NTM: variants seen among roughly 807,000 people sequenced by gnomAD.
NTM encodes the protein neurotrimin.
In NTM, 13 loss-of-function variants were observed where a neutral mutation model predicts 42.1. The ratio of observed to expected loss-of-function variants is 0.31; its 90% CI spans 0.20 to 0.49. The LOEUF is 0.49. Ranked by LOEUF, NTM falls within the 20% of genes least tolerant of loss-of-function variation. NTM has a pLI of 0.99. For missense variants in NTM, 373 were observed against 452.8 expected, an observed-to-expected ratio of 0.82 and a Z score of 1.60; for synonymous variants, 187 against 179.2, an observed-to-expected ratio of 1.04 and a Z score of -0.35.
chr11:131,878,779 G>T (rs530864878), intron 1 of NTM, among the ~76,000 whole-genome samples: 172 of 151,500 alleles, frequency 1.1e-3, no homozygotes, highest in Admixed American at 2.0e-3. Context: ...ATATAAGCTG[G>T]TCTTTCTCAG....
chr11:131,406,233 A>G (rs1257601929), intron 1 of NTM, among the ~76,000 whole-genome samples: 2 of 152,206 alleles, frequency 1.3e-5, no homozygotes, highest in Non-Finnish European at 2.9e-5. Context: ...AAATTTCTTT[A>G]TTATTACTGG....
intron 2 of NTM, among the ~76,000 whole-genome samples, chr11:131,993,502 T>C (rs562909449): frequency 6.6e-6 from 1 of 152,254 alleles, no homozygotes; most frequent in South Asian, 2.1e-4. Flanking sequence ...GGGCCTCCAA[T>C]TGTGCAAGTC....
chr11:131,521,908 C>T (rs2049789088), intron 1 of NTM, among the ~76,000 whole-genome samples: 2 of 152,088 alleles, frequency 1.3e-5, no homozygotes, highest in Admixed American at 6.5e-5. Context: ...TTGCTGAAGA[C>T]CTTTATGCCT....
intron 2 of NTM, among the ~76,000 whole-genome samples, chr11:131,955,151 T>C (rs1247494898): frequency 6.6e-6 from 1 of 152,162 alleles, no homozygotes; most frequent in Non-Finnish European, 1.5e-5. Flanking sequence ...GAAGGTACCC[T>C]GAGCACCTCC....
intron 2 of NTM, among the ~76,000 whole-genome samples, chr11:132,013,995 C>T (rs2072842560): frequency 6.6e-6 from 1 of 151,672 alleles, no homozygotes; most frequent in Admixed American, 6.6e-5. Flanking sequence ...ATCGTATGTC[C>T]TTATTTTTTA....
intron 1 of NTM, among the ~76,000 whole-genome samples, chr11:131,677,566 A>G (rs994514072): frequency 6.6e-6 from 1 of 152,182 alleles, no homozygotes; most frequent in Non-Finnish European, 1.5e-5. Context: ...CCAGTTGTCA[A>G]GTGGTGATCC....
At chr11:131,856,226 C>A (rs2046083373) in intron 1 of NTM, among the ~76,000 whole-genome samples, 1 of 152,120 alleles carries the variant, frequency 6.6e-6, no homozygotes, top group Non-Finnish European at 1.5e-5. Context: ...CTCACTGCTA[C>A]TGCAGAAACT....
chr11:131,665,462 T>A (rs187648020), intron 1 of NTM, among the ~76,000 whole-genome samples: 1 of 151,948 alleles, frequency 6.6e-6, no homozygotes, highest in East Asian at 1.9e-4. Context: ...CTTAAAGAGG[T>A]GATTAGGGCA....
At chr11:131,482,031 C>A (rs1953653294) in intron 1 of NTM, among the ~76,000 whole-genome samples, 1 of 152,132 alleles carries the variant, frequency 6.6e-6, no homozygotes, top group South Asian at 2.1e-4. Context: ...GCTGTCAGGG[C>A]AGGAGGGAAT....
intron 2 of NTM, among the ~76,000 whole-genome samples, chr11:132,013,954 A>C (rs895240847): frequency 1.3e-5 from 2 of 152,026 alleles, no homozygotes; most frequent in Admixed American, 6.6e-5. Context: ...TTTACCATAC[A>C]CTGCTATTGA....
At chr11:132,200,739 G>C (rs1353330938) in intron 3 of NTM, among the ~76,000 whole-genome samples, 1 of 152,204 alleles carries the variant, frequency 6.6e-6, no homozygotes, top group Non-Finnish European at 1.5e-5. Flanking sequence ...GCGACCACCT[G>C]GGGACAGGGG....
At chr11:131,544,147 A>G (rs888477333) in intron 1 of NTM, among the ~76,000 whole-genome samples, 2 of 152,258 alleles carry the variant, frequency 1.3e-5, no homozygotes, top group Admixed American at 1.3e-4. Context: ...TTAGAGGACT[A>G]AAGAAGCAGG....
At chr11:132,262,593 G>T (rs574573861) in intron 4 of NTM, among the ~76,000 whole-genome samples, 3 of 152,012 alleles carry the variant, frequency 2.0e-5, no homozygotes, top group South Asian at 2.1e-4. Context: ...CTATTCTTAC[G>T]AGGACTTTAA....
At chr11:131,676,675 GA>G (rs1426190254) in intron 1 of NTM, among the ~76,000 whole-genome samples, 11 of 152,202 alleles carry the variant, frequency 7.2e-5, no homozygotes, top group Admixed American at 7.2e-4. Context: ...ATTTGCTCAA[GA>G]AGTCTGCCTG....
At chr11:131,992,468 T>G (rs1405257173) in intron 2 of NTM, among the ~76,000 whole-genome samples, 1 of 152,020 alleles carries the variant, frequency 6.6e-6, no homozygotes. Context: ...AGTTCAGCTG[T>G]AGAATGAGCT....
At chr11:131,720,190 G>A (rs2078170869) in intron 1 of NTM, among the ~76,000 whole-genome samples, 1 of 152,176 alleles carries the variant, frequency 6.6e-6, no homozygotes, top group Non-Finnish European at 1.5e-5. Flanking sequence ...AGTGTGCTAG[G>A]TGCTTGACAT....
intron 1 of NTM, among the ~76,000 whole-genome samples, chr11:131,701,362 A>C (rs557376123): frequency 6.6e-6 from 1 of 152,298 alleles, no homozygotes; most frequent in South Asian, 2.1e-4. Flanking sequence ...GCCTATGAGG[A>C]CAGTATATGT....
chr11:131,619,814 TTC>T (rs1305839271), intron 1 of NTM, among the ~76,000 whole-genome samples: 2 of 151,662 alleles, frequency 1.3e-5, no homozygotes, highest in African/African-American at 4.9e-5. Context: ...GCTAAACATC[TTC>T]TTTTTTTTTT....
chr11:131,801,456 T>TA (rs2092099996), intron 1 of NTM, among the ~76,000 whole-genome samples: 1 of 152,154 alleles, frequency 6.6e-6, no homozygotes, highest in Admixed American at 6.5e-5. Context: ...GAAGCCTCAG[T>TA]ATCCCCTTAG....
Sources: allele counts gnomAD v4.1 joint callset (sites outside exome capture counted in the v4.1 genomes callset), GRCh38; gene constraint gnomAD v4.1.1; transcripts MANE v1.5; gene names NCBI Gene and HGNC (gene_info 2026-07-23, HGNC 2026-07-21).